TET3: variants seen among roughly 807,000 people sequenced by gnomAD.
TET3 encodes methylcytosine dioxygenase TET3.
Under a neutral mutation model 141.4 loss-of-function variants are expected in TET3, and 19 were observed. That is an observed-to-expected ratio of 0.13 (90% CI 0.09 to 0.20). The LOEUF is 0.20. TET3 is among the 10% of genes least tolerant of loss of function. The probability of loss-of-function intolerance (pLI) is 1.00; values close to 1 mark genes in which losing one functional copy is unlikely to be tolerated. For synonymous variants in TET3, 1,043 were observed against 980.9 expected, an observed-to-expected ratio of 1.06 and a Z score of -1.18; for missense variants, 1,874 against 2,356.9, an observed-to-expected ratio of 0.80 and a Z score of 4.24.
At chr2:74,127,005 T>C in the TET3 span, among the ~76,000 whole-genome samples, 1 of 152,202 alleles carries the variant, frequency 6.6e-6, no homozygotes, top group Non-Finnish European at 1.5e-5. Context: ...GTCCAGTGTT[T>C]AATGGTGCCC....
chr2:73,989,230 C>G (rs2105071630), intron 2 of TET3, among the ~76,000 whole-genome samples: 1 of 152,048 alleles, frequency 6.6e-6, no homozygotes. Flanking sequence ...GGAACATGTC[C>G]CGGGATTGGG....
At chr2:74,001,342 A>G (rs1180872631) in intron 2 of TET3, among the ~76,000 whole-genome samples, 1 of 152,162 alleles carries the variant, frequency 6.6e-6, no homozygotes, top group Non-Finnish European at 1.5e-5. Flanking sequence ...AAACATCCTA[A>G]TTAATCCTGT....
the TET3 span, among the ~76,000 whole-genome samples, chr2:74,129,934 A>G: frequency 6.6e-6 from 1 of 151,994 alleles, no homozygotes; most frequent in Non-Finnish European, 1.5e-5. Context: ...TCTCTACTAA[A>G]AAACACAAAA....
At chr2:73,984,306 G>T (rs1341516833), upstream of TET3, among the ~76,000 whole-genome samples, 1 of 152,262 alleles carries the variant, frequency 6.6e-6, no homozygotes, top group Non-Finnish European at 1.5e-5. This position sits in a 1 kb window ranked among gnomAD's most constrained non-coding sequence, Gnocchi z 5.6. Context: ...CACCTGGACA[G>T]GGCATTCGGC....
intron 6 of TET3, among the ~76,000 whole-genome samples, chr2:74,085,756 C>G (rs1690118397): frequency 6.6e-6 from 1 of 152,214 alleles, no homozygotes; most frequent in South Asian, 2.1e-4. Context: ...AGGCCACAGA[C>G]CCAGTACAGG....
chr2:74,085,954 T>C (rs1161022915), intron 6 of TET3, among the ~76,000 whole-genome samples: 1 of 152,222 alleles, frequency 6.6e-6, no homozygotes, highest in Non-Finnish European at 1.5e-5. Context: ...TCTTACCCCT[T>C]GCCATAGTTA....
At position 74,105,770 on chromosome 2, in the gene TET3, A is replaced by G. The variant is rs1268961083; in HGVS notation, c.*3594A>G. 1.7e-5 allele frequency: 3 copies of G among 174,302 alleles called. No individual in the cohort carries two copies. The highest frequency in any genetic ancestry group is 3.6e-5 in the Non-Finnish European group (3 of 82,380). 10.8% of individuals were successfully genotyped at this position (174,302 alleles called of 1,614,324 possible). ...CAGTAGATGTGCAAGGACGGTTGACAATGAGTCGATGATAACCTAATTTCA... is the reference window on the plus strand; with the variant it reads ...CAGTAGATGTGCAAGGACGGTTGACGATGAGTCGATGATAACCTAATTTCA... On this transcript the variant is annotated 3_prime_UTR_variant, in exon 12 of 12. Transcript: ENST00000409262.
At chr2:74,069,338 T>G (rs1689077351) in intron 4 of TET3, among the ~76,000 whole-genome samples, 1 of 149,688 alleles carries the variant, frequency 6.7e-6, no homozygotes, top group Non-Finnish European at 1.5e-5. Flanking sequence ...CATACAGTTT[T>G]TAAAGGCAAC....
intron 3 of TET3, among the ~76,000 whole-genome samples, chr2:74,038,690 G>A (rs1687192811): frequency 6.6e-6 from 1 of 152,178 alleles, no homozygotes. Flanking sequence ...AGGTCCCTAG[G>A]GAGGAAGCAG....
chr2:74,008,492 CA>C (rs1483630969), intron 3 of TET3, among the ~76,000 whole-genome samples: 1 of 152,192 alleles, frequency 6.6e-6, no homozygotes, highest in East Asian at 1.9e-4. Flanking sequence ...ACAGGCAGGG[CA>C]CCTTGAATTT....
chr2:74,128,698 G>GAAA, the TET3 span, among the ~76,000 whole-genome samples: 3 of 142,402 alleles, frequency 2.1e-5, no homozygotes, highest in African/African-American at 7.7e-5. Flanking sequence ...AAGACTATTA[G>GAAA]AAAAAAAAAA....
chr2:74,032,085 T>C (rs779524637), intron 3 of TET3, among the ~76,000 whole-genome samples: 1 of 152,200 alleles, frequency 6.6e-6, no homozygotes, highest in Admixed American at 6.5e-5. Context: ...ATTTAAAGTT[T>C]GCACTCAGCA....
At chr2:74,052,848 C>T (rs1034551820) in intron 4 of TET3, among the ~76,000 whole-genome samples, 9 of 152,020 alleles carry the variant, frequency 5.9e-5, no homozygotes, top group African/African-American at 1.9e-4. Context: ...CCAGCCTGGG[C>T]GAAAGAGCAA....
At chr2:74,024,529 C>G (rs1432584402) in intron 3 of TET3, among the ~76,000 whole-genome samples, 1 of 151,908 alleles carries the variant, frequency 6.6e-6, no homozygotes, top group Admixed American at 6.6e-5. Flanking sequence ...TCATCCGGTA[C>G]CCAGGGTGGT....
chr2:74,043,597 C>T (rs948763158), intron 3 of TET3, among the ~76,000 whole-genome samples: 1 of 152,176 alleles, frequency 6.6e-6, no homozygotes. Context: ...AGGGAGGCCG[C>T]TCTAAGAGGC....
At position 74,047,787 on chromosome 2, in the gene TET3, G is replaced by A. The variant is rs201960484; in HGVS notation, c.1870G>A (p.Val624Ile). The part of the protein sequence containing the change: ...PREAQPLFPP[V>I]RQIVLEGLRS... The stretch of plus-strand genomic sequence containing the variant: ...GGAAGCACAGCCCCTCTTCCCACCT[G>A]TCCGACAGATTGTCCTGGAAGGGCT... The change falls in exon 4 of 12, where the codon GTC becomes ATC. Residue 624 changes from valine to isoleucine, a missense_variant. Val to Ile is a conservative substitution (Grantham distance 29). Coordinates refer to ENST00000409262, the MANE Select transcript of TET3 (RefSeq NM_001287491.2). The A allele has an allele frequency of 7.4e-6, 12 of 1,613,618 alleles. No homozygotes were observed. The Admixed American group carries it at 2.0e-4, about 27-fold the overall frequency.
At chr2:74,126,833 G>A in the TET3 span, among the ~76,000 whole-genome samples, 1 of 152,056 alleles carries the variant, frequency 6.6e-6, no homozygotes, top group South Asian at 2.1e-4. Flanking sequence ...AAATGTAAAC[G>A]CTAACTTTAG....
chr2:74,094,056 A>G (rs1455885423), intron 10 of TET3, among the ~76,000 whole-genome samples: 1 of 152,224 alleles, frequency 6.6e-6, no homozygotes, highest in Non-Finnish European at 1.5e-5. Flanking sequence ...ACTGCTCTGC[A>G]TGCTGCGGGA....
the TET3 span, among the ~76,000 whole-genome samples, chr2:74,130,364 A>C: frequency 6.6e-6 from 1 of 152,224 alleles, no homozygotes; most frequent in Non-Finnish European, 1.5e-5. Flanking sequence ...CTAAGGGTAG[A>C]GCTGACTCCT....
Sources: gnomAD v4.1 joint callset for allele counts (sites outside exome capture counted in the v4.1 genomes callset) on GRCh38, gnomAD v4.1.1 for gene constraint, Gnocchi (gnomAD v3.1) non-coding constraint, MANE v1.5 for transcripts, NCBI Gene and HGNC (gene_info 2026-07-23, HGNC 2026-07-21) for gene names.